Variants in MALRD1 observed in about 807,000 individuals in gnomAD.
MALRD1 encodes MAM and LDL receptor class A domain containing 1, also known as MAM and LDL-receptor class A domain-containing protein 1.
MALRD1 carries 247 observed loss-of-function variants against 242.1 expected under a neutral mutation model. The observed-to-expected ratio is 1.02, with a 90% CI of 0.92 to 1.13. MALRD1 has a LOEUF of 1.13. Among genes scored for constraint, MALRD1 ranks in the 50% most tolerant of loss-of-function variants. The pLI is 0.00. For synonymous variants in MALRD1, 995 were observed against 866.6 expected, an observed-to-expected ratio of 1.15 and a Z score of -2.60; for missense variants, 2,989 against 2,533.1, an observed-to-expected ratio of 1.18 and a Z score of -3.86.
At chr10:19,219,406 A>T (rs1194655234) in intron 18 of MALRD1, among the ~76,000 whole-genome samples, 2 of 152,154 alleles carry the variant, frequency 1.3e-5, no homozygotes, top group African/African-American at 4.8e-5. Flanking sequence ...GTACCATAGC[A>T]TATGTGAACA....
chr10:19,295,038 A>G (rs1841628619), intron 21 of MALRD1, among the ~76,000 whole-genome samples: 1 of 152,024 alleles, frequency 6.6e-6, no homozygotes, highest in African/African-American at 2.4e-5. Context: ...CCATTAAGTG[A>G]ATGTACCAAA....
At chr10:19,624,662 TCAAGA>T (rs1839564823) in intron 36 of MALRD1, among the ~76,000 whole-genome samples, 1 of 151,658 alleles carries the variant, frequency 6.6e-6, no homozygotes. Flanking sequence ...GATCAGGAGT[TCAAGA>T]CCAGCCTGGC....
intron 38 of MALRD1, among the ~76,000 whole-genome samples, chr10:19,708,192 A>G (rs1477703258): frequency 2.5e-5 from 3 of 120,606 alleles, no homozygotes; most frequent in Non-Finnish European, 3.8e-5. Flanking sequence ...TTGATAATAT[A>G]TATTTTCTTA....
In MALRD1 at chr10:19,565,173, A is replaced by G. The variant is rs142234444; in HGVS notation, c.5479-2329A>G. Among the ~76,000 whole-genome samples the G allele has an allele frequency of 6.6e-5, 10 of 152,224 alleles. No individual in the cohort carries two copies. In the East Asian group the frequency reaches 1.4e-3, roughly 21 times the overall value. On this transcript the variant is annotated intron_variant, in intron 32 of 39. Coordinates refer to ENST00000454679, the MANE Select transcript of MALRD1 (RefSeq NM_001142308.3). Reference sequence around the variant, plus strand: ...AAATAATGGGGTAAGATGTGTTGACATGTATTGGAGAGTTTAATGTTCATG... The same window carrying G: ...AAATAATGGGGTAAGATGTGTTGACGTGTATTGGAGAGTTTAATGTTCATG...
chr10:19,683,948 G>A (rs1217415953), intron 36 of MALRD1, among the ~76,000 whole-genome samples: 5 of 151,892 alleles, frequency 3.3e-5, no homozygotes, highest in Non-Finnish European at 7.4e-5. Flanking sequence ...CCCCCAGCAG[G>A]CCCCGGTGTG....
intron 26 of MALRD1, among the ~76,000 whole-genome samples, chr10:19,363,292 C>A (rs1388152931): frequency 6.6e-6 from 1 of 152,024 alleles, no homozygotes; most frequent in Non-Finnish European, 1.5e-5. Context: ...AGCCCTGGGA[C>A]ATTCAACATT....
intron 24 of MALRD1, among the ~76,000 whole-genome samples, chr10:19,347,321 T>C (rs1426533181): frequency 6.6e-6 from 1 of 152,154 alleles, no homozygotes; most frequent in Admixed American, 6.6e-5. Context: ...TTCACAATTT[T>C]CTCTAAAATA....
intron 14 of MALRD1, among the ~76,000 whole-genome samples, chr10:19,179,421 A>C (rs1382870451): frequency 3.9e-5 from 6 of 152,148 alleles, no homozygotes; most frequent in African/African-American, 1.4e-4. Context: ...AGGCTGAGGC[A>C]TGTTGATCAC....
At chr10:19,519,312 A>T (rs1185609489) in intron 31 of MALRD1, among the ~76,000 whole-genome samples, 1 of 151,974 alleles carries the variant, frequency 6.6e-6, no homozygotes, top group Non-Finnish European at 1.5e-5. Context: ...CTTTTCTCCT[A>T]TTATGCCACC....
intron 28 of MALRD1, among the ~76,000 whole-genome samples, chr10:19,405,429 A>G (rs1470210245): frequency 1.3e-5 from 2 of 152,066 alleles, no homozygotes; most frequent in East Asian, 1.9e-4. Context: ...AGTTTTGGCC[A>G]TCGATTATTC....
In MALRD1 at chr10:19,083,896, A is replaced by G. The variant is rs566638910; in HGVS notation, c.341-3944A>G. On this transcript the variant is annotated intron_variant, in intron 2 of 39. Transcript: ENST00000454679. Reference sequence around the variant, plus strand: ...TTGGCTAATTTCCAGAGTTCCAGACAAGTTGATTCTGACATTTTTGCCAGT... The same window carrying G: ...TTGGCTAATTTCCAGAGTTCCAGACGAGTTGATTCTGACATTTTTGCCAGT... 2.0e-5 allele frequency among the ~76,000 whole-genome samples: 3 copies of G among 152,110 alleles called. No homozygotes were observed. In the East Asian group the frequency reaches 5.8e-4, roughly 29 times the overall value.
chr10:19,059,798 ATAATATTAGGCATAT>A (rs1834769634), intron 1 of MALRD1, among the ~76,000 whole-genome samples: 1 of 152,196 alleles, frequency 6.6e-6, no homozygotes, highest in South Asian at 2.1e-4. Context: ...TGAAAGCAAG[ATAATATTAGGCATAT>A]ATGCGATGTA....
chr10:19,143,281 G>C (rs1287335641), intron 10 of MALRD1, among the ~76,000 whole-genome samples: 2 of 152,200 alleles, frequency 1.3e-5, no homozygotes, highest in Admixed American at 1.3e-4. Flanking sequence ...TTGCGGTTGA[G>C]CGACTAGCTC....
chr10:19,584,551 A>C (rs1837294972), intron 33 of MALRD1, among the ~76,000 whole-genome samples: 1 of 152,112 alleles, frequency 6.6e-6, no homozygotes, highest in Non-Finnish European at 1.5e-5. Flanking sequence ...GAGTTTCTTA[A>C]TCCTGAGTTC....
chr10:19,287,434 T>G (rs116433759), intron 21 of MALRD1, among the ~76,000 whole-genome samples: 1 of 152,130 alleles, frequency 6.6e-6, no homozygotes, highest in Non-Finnish European at 1.5e-5. Context: ...CACAGTTCTG[T>G]TTAAGTTATT....
chr10:19,471,407 T>G (rs936672026), intron 29 of MALRD1, among the ~76,000 whole-genome samples: 19 of 151,888 alleles, frequency 1.3e-4, no homozygotes, highest in African/African-American at 4.3e-4. Flanking sequence ...GGTTGCTTTG[T>G]CTAATCAGGG....
intron 4 of MALRD1, 30 bp from the exon 5 acceptor site, chr10:19,103,949 G>A (rs1836373656): frequency 1.5e-5 from 17 of 1,168,914 alleles, no homozygotes; most frequent in Non-Finnish European, 1.8e-5. Flanking sequence ...TTATGTTTTT[G>A]TTTTGTTTTG....
chr10:19,222,089 C>A (rs1332332722), intron 18 of MALRD1, among the ~76,000 whole-genome samples: 1 of 151,950 alleles, frequency 6.6e-6, no homozygotes, highest in Non-Finnish European at 1.5e-5. Flanking sequence ...TTATTCCTCC[C>A]TCCCTTGCTC....
At chr10:19,692,683 G>A (rs1211375696) in intron 38 of MALRD1, 129 bp downstream of exon 38, 2 of 660,734 alleles carry the variant, frequency 3.0e-6, no homozygotes, top group Non-Finnish European at 4.9e-6. Flanking sequence ...GCTGCTTTAT[G>A]GATTTATTTT....
Sources: allele counts gnomAD v4.1 joint callset (sites outside exome capture counted in the v4.1 genomes callset), GRCh38; gene constraint gnomAD v4.1.1; transcripts MANE v1.5; gene names NCBI Gene and HGNC (gene_info 2026-07-23, HGNC 2026-07-21).